GPC5: variants seen among roughly 807,000 people sequenced by gnomAD.
The protein encoded by GPC5 is glypican 5, also known as glypican-5.
In GPC5, 47 loss-of-function variants were observed where a neutral mutation model predicts 53.9. That is an observed-to-expected ratio of 0.87 (90% confidence interval 0.69 to 1.11). GPC5 has a LOEUF of 1.11. Ranked by LOEUF, GPC5 falls within the 50% of genes most tolerant of loss-of-function variation. The pLI, the probability that GPC5 is intolerant of heterozygous loss-of-function variation, is 0.00. For synonymous variants in GPC5, 286 were observed against 263.3 expected (o/e 1.09, Z -0.84); for missense variants, 748 against 713.1 (o/e 1.05, Z -0.56).
chr13:92,632,965 A>G (rs967476614), intron 7 of GPC5, among the ~76,000 whole-genome samples: 4 of 152,174 alleles, frequency 2.6e-5, no homozygotes, highest in African/African-American at 9.7e-5. Flanking sequence ...ATCTTGGCTC[A>G]CTGCAATCTC....
chr13:91,432,999 T>C (rs1879617584), intron 1 of GPC5, among the ~76,000 whole-genome samples: 1 of 152,166 alleles, frequency 6.6e-6, no homozygotes. Flanking sequence ...GGCCTTTTGT[T>C]CCAGGTACTG....
At chr13:92,789,909 G>C (rs960923101) in intron 7 of GPC5, among the ~76,000 whole-genome samples, 1 of 152,156 alleles carries the variant, frequency 6.6e-6, no homozygotes, top group African/African-American at 2.4e-5. Context: ...GAAGCCAGCA[G>C]TGCAGCCTTC....
At chr13:91,693,987 C>T (rs1320500531) in intron 3 of GPC5, 106 bp downstream of exon 3, 3 of 828,942 alleles carry the variant, frequency 3.6e-6, no homozygotes, top group African/African-American at 3.5e-5. Flanking sequence ...TATATTCAAT[C>T]CAAGATATTA....
intron 6 of GPC5, among the ~76,000 whole-genome samples, chr13:91,990,691 G>A (rs1020699185): frequency 6.6e-6 from 1 of 152,164 alleles, no homozygotes; most frequent in Non-Finnish European, 1.5e-5. Context: ...TGTATCATGC[G>A]CAATGCTGTG....
At chr13:92,255,585 A>G (rs1202970556) in intron 7 of GPC5, among the ~76,000 whole-genome samples, 1 of 152,166 alleles carries the variant, frequency 6.6e-6, no homozygotes, top group Non-Finnish European at 1.5e-5. Flanking sequence ...TGAACTTAAA[A>G]TATATCTAGG....
At chr13:91,555,215 A>C (rs1400850140) in intron 2 of GPC5, among the ~76,000 whole-genome samples, 1 of 152,058 alleles carries the variant, frequency 6.6e-6, no homozygotes, top group Non-Finnish European at 1.5e-5. Context: ...AGCCAAGTGT[A>C]GGAAAACGGC....
chr13:91,435,689 A>T (rs1171046501), intron 1 of GPC5, among the ~76,000 whole-genome samples: 1 of 152,222 alleles, frequency 6.6e-6, no homozygotes, highest in Non-Finnish European at 1.5e-5. Flanking sequence ...TATCAGGATG[A>T]TGCTGGCCTC....
intron 7 of GPC5, among the ~76,000 whole-genome samples, chr13:92,610,030 CAAAA>C (rs56913637): frequency 5.6e-4 from 40 of 70,840 alleles, no homozygotes; most frequent in African/African-American, 2.0e-3. Context: ...GACTCCATCT[CAAAA>C]AAAAAAAAAA....
chr13:91,575,865 T>C (rs536386480), intron 2 of GPC5, among the ~76,000 whole-genome samples: 1 of 152,322 alleles, frequency 6.6e-6, no homozygotes, highest in South Asian at 2.1e-4. Context: ...ATTATGTTTT[T>C]AATGCCTTCT....
intron 7 of GPC5, among the ~76,000 whole-genome samples, chr13:92,272,739 A>G (rs550863352): frequency 2.6e-5 from 4 of 152,304 alleles, no homozygotes; most frequent in Non-Finnish European, 5.9e-5. Flanking sequence ...ATGGATCCCA[A>G]TACCATGGAG....
chr13:92,732,296 T>TTA (rs1273050207), intron 7 of GPC5, among the ~76,000 whole-genome samples: 2 of 151,524 alleles, frequency 1.3e-5, no homozygotes, highest in Non-Finnish European at 3.0e-5. Flanking sequence ...TATATATCCA[T>TTA]TATAAAATCC....
At chr13:92,420,430 G>A (rs181513242) in intron 7 of GPC5, among the ~76,000 whole-genome samples, 40 of 151,780 alleles carry the variant, frequency 2.6e-4, no homozygotes, top group African/African-American at 7.5e-4. Context: ...TTTGATACAG[G>A]CATTCAATGC....
chr13:91,930,959 A>G (rs2039816175), intron 6 of GPC5, among the ~76,000 whole-genome samples: 1 of 152,184 alleles, frequency 6.6e-6, no homozygotes, highest in South Asian at 2.1e-4. Flanking sequence ...TGATTCAGAA[A>G]TTTCTTTTCT....
At position 91,956,404 on chromosome 13, in the gene GPC5, T is replaced by A. The variant is rs781026189; in HGVS notation, c.1401+48347T>A. 8.1e-4 allele frequency among the ~76,000 whole-genome samples: 123 copies of A among 151,486 alleles called. 1 individual carries two copies. The highest frequency in any genetic ancestry group is 1.8e-3 in the Admixed American group (28 of 15,228). On this transcript the variant is annotated intron_variant, in intron 6 of 7. Coordinates refer to ENST00000377067, the MANE Select transcript of GPC5 (RefSeq NM_004466.6). ...TAAGGACCTCTTGGGAGGCACAGGGTTTTCCTGCCACTGCTGCTGCCATTG... is the reference window on the plus strand; with the variant it reads ...TAAGGACCTCTTGGGAGGCACAGGGATTTCCTGCCACTGCTGCTGCCATTG...
chr13:91,870,332 C>T (rs1415134917), intron 5 of GPC5, among the ~76,000 whole-genome samples: 1 of 152,054 alleles, frequency 6.6e-6, no homozygotes. Context: ...TTGTCCTGAG[C>T]CTTGATTTAT....
chr13:91,482,797 G>A (rs1371733496), intron 2 of GPC5, among the ~76,000 whole-genome samples: 2 of 151,896 alleles, frequency 1.3e-5, no homozygotes, highest in Non-Finnish European at 2.9e-5. Flanking sequence ...AGGAAGGGCT[G>A]AGAAACACTG....
chr13:91,840,027 CT>C (rs965719540), intron 5 of GPC5, among the ~76,000 whole-genome samples: 2 of 151,868 alleles, frequency 1.3e-5, no homozygotes, highest in African/African-American at 4.8e-5. Flanking sequence ...ATATACATTC[CT>C]TTTTGTAATA....
chr13:92,199,329 T>C (rs1004701830), intron 7 of GPC5, among the ~76,000 whole-genome samples: 26 of 152,336 alleles, frequency 1.7e-4, no homozygotes, highest in Admixed American at 4.6e-4. Flanking sequence ...ATGTAAAATA[T>C]CTGCGGGTTT....
At chr13:91,682,480 A>G (rs985173067) in intron 2 of GPC5, among the ~76,000 whole-genome samples, 2 of 152,202 alleles carry the variant, frequency 1.3e-5, no homozygotes, top group Non-Finnish European at 2.9e-5. Context: ...TCTGATGAGA[A>G]TAAGTGAGAG....
Sources: allele counts gnomAD v4.1 joint callset (sites outside exome capture counted in the v4.1 genomes callset), GRCh38; gene constraint gnomAD v4.1.1; transcripts MANE v1.5; gene names NCBI Gene and HGNC (gene_info 2026-07-23, HGNC 2026-07-21).